DLG2: variants seen among roughly 807,000 people sequenced by gnomAD.
DLG2 encodes the protein disks large homolog 2.
Under a neutral mutation model 132.5 loss-of-function variants are expected in DLG2, and 45 were observed. The ratio of observed to expected loss-of-function variants is 0.34; its 90% confidence interval spans 0.27 to 0.44. The LOEUF is 0.44. Among genes scored for constraint, DLG2 ranks in the 20% least tolerant of loss-of-function variants. The pLI, the probability that DLG2 is intolerant of heterozygous loss-of-function variation, is 1.00. For missense variants in DLG2, 1,045 were observed against 1,196.9 expected (o/e 0.87, Z 1.87); for synonymous variants, 424 against 419.6 (o/e 1.01, Z -0.13).
intron 7 of DLG2, among the ~76,000 whole-genome samples, chr11:84,434,543 G>C (rs949166614): frequency 6.6e-6 from 1 of 151,954 alleles, no homozygotes; most frequent in African/African-American, 2.4e-5. Context: ...CTAGGATTCA[G>C]GAAAAATAAT....
chr11:83,799,178 C>T (rs553041068), intron 17 of DLG2, among the ~76,000 whole-genome samples: 1 of 152,330 alleles, frequency 6.6e-6, no homozygotes, highest in African/African-American at 2.4e-5. Context: ...ACAGATATCA[C>T]ATTCAATGTT....
intron 16 of DLG2, among the ~76,000 whole-genome samples, chr11:83,843,624 T>C (rs946993871): frequency 7.5e-6 from 1 of 133,206 alleles, no homozygotes; most frequent in African/African-American, 2.8e-5. Flanking sequence ...GAAAAAAAAG[T>C]GAGTGGTTGG....
intron 18 of DLG2, among the ~76,000 whole-genome samples, chr11:83,676,400 C>A (rs1484240569): frequency 6.6e-6 from 1 of 152,146 alleles, no homozygotes. Flanking sequence ...TACTGATGTA[C>A]TTTTAAGTTA....
intron 18 of DLG2, among the ~76,000 whole-genome samples, chr11:83,762,269 A>G (rs1593872265): frequency 6.6e-6 from 1 of 152,190 alleles, no homozygotes; most frequent in African/African-American, 2.4e-5. Context: ...TCAAAAACAA[A>G]AGCATAAACA....
At chr11:85,590,725 A>C (rs973676591) in intron 3 of DLG2, among the ~76,000 whole-genome samples, 4 of 151,946 alleles carry the variant, frequency 2.6e-5, no homozygotes, top group Non-Finnish European at 5.9e-5. Context: ...AATATTAATA[A>C]TACTAGTTTG....
chr11:84,834,104 C>G (rs116734005), intron 6 of DLG2, among the ~76,000 whole-genome samples: 20 of 151,444 alleles, frequency 1.3e-4, no homozygotes, highest in Non-Finnish European at 2.7e-4. Context: ...TTAGGAAAAC[C>G]CTTTAGAGAG....
chr11:85,257,035 A>G (rs1483555094), intron 4 of DLG2, among the ~76,000 whole-genome samples: 1 of 152,234 alleles, frequency 6.6e-6, no homozygotes, highest in African/African-American at 2.4e-5. Context: ...TGTACATGTG[A>G]GCTAAATGTA....
intron 4 of DLG2, among the ~76,000 whole-genome samples, chr11:85,159,265 G>A (rs1406527649): frequency 2.6e-5 from 4 of 152,174 alleles, no homozygotes. Flanking sequence ...GACTTACAGT[G>A]TATCCGGACT....
intron 6 of DLG2, among the ~76,000 whole-genome samples, chr11:84,904,660 T>C (rs939362739): frequency 1.3e-5 from 2 of 152,158 alleles, no homozygotes; most frequent in Non-Finnish European, 2.9e-5. Context: ...ATCTGTAAAA[T>C]GTAGATAATA....
At chr11:84,667,498 G>GTTTTGT (rs1555150306) in intron 6 of DLG2, among the ~76,000 whole-genome samples, 2 of 122,272 alleles carry the variant, frequency 1.6e-5, no homozygotes, top group African/African-American at 6.1e-5. Flanking sequence ...TTTGTTTTTT[G>GTTTTGT]TTTTTTTTTT....
At chr11:84,373,688 G>C (rs1004059680) in intron 7 of DLG2, among the ~76,000 whole-genome samples, 3 of 152,110 alleles carry the variant, frequency 2.0e-5, no homozygotes, top group Admixed American at 6.6e-5. Flanking sequence ...AATAATCGTT[G>C]AATTATCACA....
intron 27 of DLG2, among the ~76,000 whole-genome samples, chr11:83,460,153 A>G (rs922269814): frequency 1.3e-5 from 2 of 152,238 alleles, no homozygotes; most frequent in Non-Finnish European, 2.9e-5. Context: ...AATGATTCAC[A>G]GTCTTTGCAC....
At chr11:85,501,238 C>T (rs952230450) in intron 3 of DLG2, among the ~76,000 whole-genome samples, 4 of 152,210 alleles carry the variant, frequency 2.6e-5, no homozygotes, top group Admixed American at 2.6e-4. Context: ...GAAACTGGAC[C>T]CCTTCCTTAC....
intron 6 of DLG2, among the ~76,000 whole-genome samples, chr11:84,949,261 C>T (rs575579314): frequency 1.3e-5 from 2 of 152,160 alleles, no homozygotes; most frequent in African/African-American, 2.4e-5. Flanking sequence ...GGGTGACAGA[C>T]ATCAAGTACT....
chr11:85,449,739 G>C (rs768331373), intron 3 of DLG2, among the ~76,000 whole-genome samples: 9 of 150,650 alleles, frequency 6.0e-5, no homozygotes, highest in Non-Finnish European at 1.3e-4. Context: ...AAGATGATAT[G>C]CATTTGCTTC....
intron 18 of DLG2, among the ~76,000 whole-genome samples, chr11:83,683,618 G>C (rs951183945): frequency 1.3e-5 from 2 of 152,040 alleles, no homozygotes; most frequent in Non-Finnish European, 2.9e-5. Flanking sequence ...CTGTAAAATG[G>C]GTATATTGAA....
At chr11:85,097,344 C>T (rs2070029325) in intron 6 of DLG2, among the ~76,000 whole-genome samples, 2 of 152,316 alleles carry the variant, frequency 1.3e-5, no homozygotes, top group South Asian at 4.1e-4. Flanking sequence ...GATCTCTCCT[C>T]AGACTAGCAG....
At chr11:83,516,855 G>A (rs1404719019) in intron 21 of DLG2, among the ~76,000 whole-genome samples, 11 of 152,290 alleles carry the variant, frequency 7.2e-5, no homozygotes, top group South Asian at 2.1e-4. Flanking sequence ...TATTGGGCCC[G>A]TCTCTCTTCT....
intron 3 of DLG2, among the ~76,000 whole-genome samples, chr11:85,499,008 C>T (rs896706219): frequency 3.9e-5 from 6 of 152,084 alleles, no homozygotes; most frequent in Admixed American, 1.3e-4. Context: ...AAAATCAACA[C>T]ATCAAAATTA....
Sources: gnomAD v4.1 joint callset for allele counts (sites outside exome capture counted in the v4.1 genomes callset) on GRCh38, gnomAD v4.1.1 for gene constraint, MANE v1.5 for transcripts, NCBI Gene and HGNC (gene_info 2026-07-23, HGNC 2026-07-21) for gene names.